MGLL: variants seen among roughly 807,000 people sequenced by gnomAD.
MGLL encodes the protein lysophospholipase homolog.
MGLL carries 7 observed loss-of-function variants against 29.1 expected under a neutral mutation model. The observed-to-expected ratio is 0.24, with a 90% CI of 0.14 to 0.45. MGLL has a LOEUF of 0.45. Among genes scored for constraint, MGLL ranks in the 20% least tolerant of loss-of-function variants. The pLI is 0.99. For missense variants in MGLL, 356 were observed against 413.6 expected (o/e 0.86, Z 1.21); for synonymous variants, 148 against 168.3 (o/e 0.88, Z 0.93).
chr3:127,779,491 G>A (rs73862344), intron 3 of MGLL, among the ~76,000 whole-genome samples: 3,850 of 151,310 alleles, frequency 0.025, 154 homozygotes, highest in African/African-American at 0.089. Context: ...CCAGGCTTTA[G>A]AACCAGCCTT....
chr3:127,778,700 T>A (rs2077075458), intron 3 of MGLL, among the ~76,000 whole-genome samples: 1 of 152,198 alleles, frequency 6.6e-6, no homozygotes, highest in Non-Finnish European at 1.5e-5. Flanking sequence ...GTTTTCAGTG[T>A]ACCTCCAATG....
chr3:127,818,888 C>T (rs1394100463), intron 2 of MGLL, among the ~76,000 whole-genome samples: 1 of 152,170 alleles, frequency 6.6e-6, no homozygotes, highest in African/African-American at 2.4e-5. Context: ...TAGAACATAC[C>T]TGGCACTCAA....
At chr3:127,821,600 C>T (rs1439665333) in intron 2 of MGLL, 94 bp downstream of exon 2, 21 of 1,447,876 alleles carry the variant, frequency 1.5e-5, no homozygotes, top group African/African-American at 5.6e-5. Flanking sequence ...ATAGAGAAAG[C>T]GGCCCCGCCC....
chr3:127,774,451 G>C lies in MGLL; in HGVS notation c.262+7338C>G, dbSNP rs377328944. ...CTGCTGGACCTCTGTGCCTAGAACA[G>C]TTAGGAGTGCAGTTGGGCATTCAGT... is the stretch of plus-strand genomic sequence containing the variant. On this transcript the variant is annotated intron_variant, in intron 3 of 7. Coordinates refer to ENST00000265052, the MANE Select transcript of MGLL (RefSeq NM_007283.7). Among the ~76,000 whole-genome samples the C allele has an allele frequency of 9.2e-5, 14 of 152,324 alleles. No individual in the cohort carries two copies. The East Asian group carries it at 1.9e-3, about 21-fold the overall frequency.
chr3:127,706,994 G>A (rs1329212284), intron 6 of MGLL, among the ~76,000 whole-genome samples: 3 of 152,186 alleles, frequency 2.0e-5, no homozygotes, highest in Non-Finnish European at 4.4e-5. Flanking sequence ...CCAACTCCTC[G>A]ACATTGGGCA....
chr3:127,806,773 T>A (rs1293278565), intron 2 of MGLL, among the ~76,000 whole-genome samples: 1 of 152,058 alleles, frequency 6.6e-6, no homozygotes, highest in Non-Finnish European at 1.5e-5. Context: ...ACACCTGTAA[T>A]CCCAGCACTT....
chr3:127,750,027 G>A (rs1240899458), intron 3 of MGLL, among the ~76,000 whole-genome samples: 1 of 152,138 alleles, frequency 6.6e-6, no homozygotes, highest in African/African-American at 2.4e-5. Flanking sequence ...CGGGGGCCTT[G>A]TAGGCTTCTT....
chr3:127,737,361 C>T (rs1287697479), intron 3 of MGLL, among the ~76,000 whole-genome samples: 1 of 151,494 alleles, frequency 6.6e-6, no homozygotes, highest in Non-Finnish European at 1.5e-5. Context: ...GGCTCAGCCT[C>T]GTCACCTGCA....
chr3:127,697,967 A>C (rs746551132), intron 6 of MGLL, among the ~76,000 whole-genome samples: 3 of 152,190 alleles, frequency 2.0e-5, no homozygotes, highest in Non-Finnish European at 2.9e-5. Context: ...TTCTTCCTGC[A>C]GCAGGCCTGC....
intron 6 of MGLL, among the ~76,000 whole-genome samples, chr3:127,702,348 A>G (rs1310518596): frequency 1.3e-5 from 2 of 152,070 alleles, no homozygotes; most frequent in Non-Finnish European, 2.9e-5. Context: ...GCCCTGCCTG[A>G]CTCAGCAGAA....
chr3:127,752,378 C>A (rs1189304439), intron 3 of MGLL, among the ~76,000 whole-genome samples: 1 of 152,328 alleles, frequency 6.6e-6, no homozygotes, highest in Non-Finnish European at 1.5e-5. Context: ...GGATTACAGG[C>A]ATAAGCCATC....
intron 3 of MGLL, among the ~76,000 whole-genome samples, chr3:127,775,804 G>A (rs528270445): frequency 6.0e-4 from 92 of 152,190 alleles, no homozygotes; most frequent in Non-Finnish European, 9.6e-4. Context: ...GGACTGCAGG[G>A]AGCAGGCCTG....
intron 6 of MGLL, among the ~76,000 whole-genome samples, chr3:127,698,162 G>A (rs2107586281): frequency 6.6e-6 from 1 of 152,304 alleles, no homozygotes; most frequent in South Asian, 2.1e-4. Flanking sequence ...CACCAGATGT[G>A]TCAGAGAAAG....
intron 6 of MGLL, among the ~76,000 whole-genome samples, chr3:127,701,652 C>T (rs1220714488): frequency 6.6e-6 from 1 of 152,190 alleles, no homozygotes; most frequent in Admixed American, 6.5e-5. Flanking sequence ...CTTCAGACCC[C>T]TTCCTTGGCT....
chr3:127,786,319 G>A (rs1387614417), intron 2 of MGLL, among the ~76,000 whole-genome samples: 1 of 152,248 alleles, frequency 6.6e-6, no homozygotes, highest in Non-Finnish European at 1.5e-5. Flanking sequence ...CTGCCGTTCT[G>A]CAACCTCAAC....
intron 3 of MGLL, among the ~76,000 whole-genome samples, chr3:127,780,592 G>A (rs912976335): frequency 2.6e-5 from 4 of 152,232 alleles, no homozygotes; most frequent in Non-Finnish European, 5.9e-5. Flanking sequence ...TGTCAGTTAT[G>A]AGGACGCTTG....
At chr3:127,733,045 C>T (rs745405147) in intron 3 of MGLL, among the ~76,000 whole-genome samples, 7 of 152,094 alleles carry the variant, frequency 4.6e-5, no homozygotes, top group African/African-American at 9.7e-5. Context: ...CATTCCCAGA[C>T]GGTTGAGGTA....
intron 6 of MGLL, among the ~76,000 whole-genome samples, chr3:127,707,875 G>A (rs185782142): frequency 6.6e-6 from 1 of 152,368 alleles, no homozygotes; most frequent in African/African-American, 2.4e-5. Flanking sequence ...TCCTGGGTGG[G>A]TTGTGAGAAT....
At chr3:127,805,349 A>G (rs1051909154) in intron 2 of MGLL, among the ~76,000 whole-genome samples, 3 of 152,212 alleles carry the variant, frequency 2.0e-5, no homozygotes, top group African/African-American at 7.2e-5. Flanking sequence ...TCACAATTTC[A>G]TAGGCACAAT....
Sources: gnomAD v4.1 joint callset for allele counts (sites outside exome capture counted in the v4.1 genomes callset) on GRCh38, gnomAD v4.1.1 for gene constraint, MANE v1.5 for transcripts, NCBI Gene and HGNC (gene_info 2026-07-23, HGNC 2026-07-21) for gene names.